Variants in ZBTB8OS observed in about 807,000 individuals in gnomAD.
ZBTB8OS encodes the protein tRNA-splicing ligase-activating factor archease.
In ZBTB8OS, 16 loss-of-function variants were observed where a neutral mutation model predicts 29.3. The observed-to-expected ratio is 0.55, with a 90% CI of 0.37 to 0.83. The LOEUF is 0.83. Among genes scored for constraint, ZBTB8OS ranks in the 40% least tolerant of loss-of-function variants. ZBTB8OS has a pLI of 0.00. For synonymous variants in ZBTB8OS, 70 were observed against 64.6 expected, an observed-to-expected ratio of 1.08 and a Z score of -0.40; for missense variants, 160 against 196.9, an observed-to-expected ratio of 0.81 and a Z score of 1.12.
chr1:32,624,651 T>C (rs1257546170), intron 6 of ZBTB8OS, among the ~76,000 whole-genome samples: 1 of 152,182 alleles, frequency 6.6e-6, no homozygotes, highest in African/African-American at 2.4e-5. Context: ...CTCAGCACTT[T>C]GGGAGGCCGA....
At chr1:32,644,452 G>C (rs1480183368) in intron 1 of ZBTB8OS, among the ~76,000 whole-genome samples, 1 of 151,766 alleles carries the variant, frequency 6.6e-6, no homozygotes. Context: ...TAAATACCAG[G>C]TTGGGCATTA....
chr1:32,632,067 T>C (rs1645607565), intron 4 of ZBTB8OS, 188 bp from the exon 5 acceptor site: 1 of 298,348 alleles, frequency 3.4e-6, no homozygotes, highest in Non-Finnish European at 6.1e-6. Flanking sequence ...AGTGGCGTGA[T>C]CTCGGCTCAC....
intron 1 of ZBTB8OS, among the ~76,000 whole-genome samples, chr1:32,647,452 AGAAAAG>A (rs1263246259): frequency 5.0e-5 from 7 of 139,938 alleles, no homozygotes; most frequent in African/African-American, 1.8e-4. Flanking sequence ...AAAAAAAAAA[AGAAAAG>A]AAAGAAAGGG....
intron 1 of ZBTB8OS, among the ~76,000 whole-genome samples, chr1:32,646,532 C>T (rs1195926887): frequency 3.3e-5 from 5 of 151,248 alleles, no homozygotes; most frequent in Admixed American, 1.3e-4. Context: ...GGACTACAGG[C>T]GCCCGCCACC....
At chr1:32,638,126 C>T (rs999874139) in intron 1 of ZBTB8OS, among the ~76,000 whole-genome samples, 6 of 151,256 alleles carry the variant, frequency 4.0e-5, no homozygotes, top group Non-Finnish European at 8.8e-5. Context: ...CCTGAGCCAC[C>T]GCGCCCAGAC....
At chr1:32,641,684 C>T (rs1197876745) in intron 1 of ZBTB8OS, among the ~76,000 whole-genome samples, 4 of 149,918 alleles carry the variant, frequency 2.7e-5, no homozygotes, top group Admixed American at 6.7e-5. Flanking sequence ...GAGGCCGAGG[C>T]GGGCGGATCA....
rs957003118 is a variant in ZBTB8OS at position 32,638,603 on chromosome 1, C to T, written c.98-3811G>A. Among the ~76,000 whole-genome samples the T allele has an allele frequency of 7.9e-5, 12 of 152,148 alleles. No individual in the cohort carries two copies. The East Asian group carries it at 1.5e-3, about 20-fold the overall frequency. On this transcript the variant is annotated intron_variant, in intron 1 of 6. Transcript: ENST00000468695. The stretch of plus-strand genomic sequence containing the variant: ...TTTTAAGTGAAAAGATTTTTAAATA[C>T]GTATTAATTCATTTAAAAATAACAA...
chr1:32,648,778 C>T (rs566022265), intron 1 of ZBTB8OS, among the ~76,000 whole-genome samples: 236 of 151,690 alleles, frequency 1.6e-3, no homozygotes, highest in Non-Finnish European at 2.6e-3. Context: ...CCTGCCTCAG[C>T]CGCCCAAGCA....
At position 32,633,935 on chromosome 1, in the gene ZBTB8OS, T is replaced by C; in HGVS notation, c.244+16A>G. On this transcript the variant is annotated intron_variant, in intron 3 of 6. Coordinates refer to ENST00000468695, the MANE Select transcript of ZBTB8OS (RefSeq NM_178547.5). ...GTACTGTATAACAATTTCTTCCTTGTGAATAAATCATTTACCTTGGGTTTC... is the reference window on the plus strand; with the variant it reads ...GTACTGTATAACAATTTCTTCCTTGCGAATAAATCATTTACCTTGGGTTTC... 4.5e-6 allele frequency: 7 copies of C among 1,556,450 alleles called. No individual in the cohort carries two copies. The highest frequency in any genetic ancestry group is 6.0e-6 in the Non-Finnish European group (7 of 1,160,126).
At chr1:32,638,711 G>A (rs1646180329) in intron 1 of ZBTB8OS, among the ~76,000 whole-genome samples, 1 of 151,908 alleles carries the variant, frequency 6.6e-6, no homozygotes, top group Non-Finnish European at 1.5e-5. Context: ...TTAGGAGTTC[G>A]AGAACAGCCT....
chr1:32,640,729 G>A (rs373691116), intron 1 of ZBTB8OS, among the ~76,000 whole-genome samples: 3 of 151,690 alleles, frequency 2.0e-5, no homozygotes, highest in Non-Finnish European at 2.9e-5. Context: ...GGCTGGTCTC[G>A]AACTTATGGG....
chr1:32,622,699 AC>A (rs1428816213), intron 6 of ZBTB8OS, among the ~76,000 whole-genome samples: 1 of 151,920 alleles, frequency 6.6e-6, no homozygotes, highest in African/African-American at 2.4e-5. Context: ...TCGTATATGT[AC>A]CCCATGAACC....
chr1:32,631,063 TA>T (rs1645513808), intron 5 of ZBTB8OS, among the ~76,000 whole-genome samples: 2 of 148,224 alleles, frequency 1.3e-5, no homozygotes, highest in Admixed American at 1.3e-4. Context: ...TATGTAAAAG[TA>T]ACCTAGGAGG....
At chr1:32,646,758 C>G (rs945875099) in intron 1 of ZBTB8OS, among the ~76,000 whole-genome samples, 2 of 151,116 alleles carry the variant, frequency 1.3e-5, no homozygotes, top group South Asian at 4.2e-4. Context: ...AAGGGTTGGC[C>G]GGGAGTGGTG....
At chr1:32,632,159 G>A (rs1482855801) in intron 4 of ZBTB8OS, 2 of 183,650 alleles carry the variant, frequency 1.1e-5, no homozygotes, top group Middle Eastern at 2.3e-3. Context: ...CTGCCACCAC[G>A]CCCGGCCAAT....
chr1:32,632,373 A>G (rs1013277912), intron 4 of ZBTB8OS: 1 of 152,216 alleles, frequency 6.6e-6, no homozygotes, highest in African/African-American at 2.4e-5. Flanking sequence ...TTAAAATGTT[A>G]GCTAAAATAG....
In ZBTB8OS at chr1:32,648,525, T is replaced by C. The variant is rs542545068; in HGVS notation, c.97+1908A>G. Among the ~76,000 whole-genome samples, 17 of 152,304 alleles carry C rather than the reference T, an allele frequency of 1.1e-4. 1 individual carries two copies. The highest frequency in any genetic ancestry group is 2.1e-4 in the South Asian group (1 of 4,828). ...AAGCAAATGCTAGAACATCTAGGTA[T>C]GTACATGTAAGAAAAAGGTAACGAT... On this transcript the variant is annotated intron_variant, in intron 1 of 6. Transcript: ENST00000468695.
At chr1:32,648,272 A>G (rs1647006591) in intron 1 of ZBTB8OS, among the ~76,000 whole-genome samples, 1 of 152,248 alleles carries the variant, frequency 6.6e-6, no homozygotes, top group Non-Finnish European at 1.5e-5. Flanking sequence ...ATAAATTGGT[A>G]CAACTCCTAT....
chr1:32,649,663 CACACAT>C lies in ZBTB8OS; in HGVS notation c.97+764_97+769del, dbSNP rs780811024. On this transcript the variant is annotated intron_variant, in intron 1 of 6. Coordinates refer to ENST00000468695, the MANE Select transcript of ZBTB8OS (RefSeq NM_178547.5). Reference sequence around the variant, plus strand: ...ACACACACACACACACACACACACACACACATTTTTTTTTTTTTTTGAGACAGAGTT... The same window carrying C: ...ACACACACACACACACACACACACACTTTTTTTTTTTTTTGAGACAGAGTT... Among the ~76,000 whole-genome samples the C allele has an allele frequency of 4.2e-3, 589 of 141,064 alleles. 2 individuals are homozygous for C. Among genetic ancestry groups the C allele is most frequent in the African/African-American group, 0.013 (433 of 33,316 alleles). The allele number at this position is 141,064 out of a possible 152,430, so 92.5% of individuals were successfully genotyped here.
Sources: gnomAD v4.1 joint callset for allele counts (sites outside exome capture counted in the v4.1 genomes callset) on GRCh38, gnomAD v4.1.1 for gene constraint, MANE v1.5 for transcripts, NCBI Gene and HGNC (gene_info 2026-07-23, HGNC 2026-07-21) for gene names.